The following SEMA3D variants were observed in gnomAD, a reference collection of about 807,000 sequenced individuals.
The protein encoded by SEMA3D is semaphorin-3D.
SEMA3D carries 84 observed loss-of-function variants against 100.1 expected under a neutral mutation model. The ratio of observed to expected loss-of-function variants is 0.84; its 90% CI spans 0.70 to 1.01. The LOEUF (loss-of-function observed/expected upper bound fraction) is 1.01. Among genes scored for constraint, SEMA3D ranks in the 50% least tolerant of loss-of-function variants. SEMA3D has a pLI of 0.00. For missense variants in SEMA3D, 875 were observed against 934.1 expected, an observed-to-expected ratio of 0.94 and a Z score of 0.82; for synonymous variants, 312 against 320.7, an observed-to-expected ratio of 0.97 and a Z score of 0.29.
chr7:85,091,428 T>TTGA (rs1206043882), intron 4 of SEMA3D, among the ~76,000 whole-genome samples: 2 of 151,468 alleles, frequency 1.3e-5, no homozygotes, highest in Admixed American at 6.6e-5. Flanking sequence ...ATTCATTAAC[T>TTGA]CAAAAGTCCA....
chr7:85,165,115 G>A (rs1790865527), intron 1 of SEMA3D, among the ~76,000 whole-genome samples: 1 of 151,428 alleles, frequency 6.6e-6, no homozygotes. Flanking sequence ...TTGTCCTTGC[G>A]ATAGACGAGT....
the SEMA3D span, among the ~76,000 whole-genome samples, chr7:85,217,101 A>G: frequency 1.3e-5 from 2 of 152,116 alleles, no homozygotes. Flanking sequence ...CATCATATAT[A>G]AAGACATAAT....
At chr7:85,144,913 C>T (rs1790159708) in intron 2 of SEMA3D, among the ~76,000 whole-genome samples, 1 of 152,094 alleles carries the variant, frequency 6.6e-6, no homozygotes, top group South Asian at 2.1e-4. Context: ...AGATAAGTTT[C>T]AGAGAGAAAT....
At chr7:85,127,400 C>T (rs903844299) in intron 2 of SEMA3D, among the ~76,000 whole-genome samples, 1 of 152,202 alleles carries the variant, frequency 6.6e-6, no homozygotes, top group African/African-American at 2.4e-5. Flanking sequence ...TGCCTTATAG[C>T]CATGTACTAA....
At chr7:85,033,464 T>C (rs1456283287) in intron 12 of SEMA3D, among the ~76,000 whole-genome samples, 1 of 152,104 alleles carries the variant, frequency 6.6e-6, no homozygotes, top group Admixed American at 6.6e-5. Context: ...CCACCACTTG[T>C]AAAGCATCTT....
Position 85,084,179 on chromosome 7 carries a change from A to G in SEMA3D, c.313-2600T>C, listed in dbSNP as rs886218185. Among the ~76,000 whole-genome samples, 3 of 152,142 alleles carry G rather than the reference A, an allele frequency of 2.0e-5. No homozygotes were observed. The East Asian group carries it at 5.8e-4, about 29-fold the overall frequency. Reference sequence around the variant, plus strand: ...AAAAAAAAAATTGCATCTTGAATTCAGAGTCTTTGCTTTAGATATGAGCTT... The same window carrying G: ...AAAAAAAAAATTGCATCTTGAATTCGGAGTCTTTGCTTTAGATATGAGCTT... On this transcript the variant is annotated intron_variant, in intron 4 of 18. Transcript: ENST00000284136.
At chr7:85,225,747 C>G in the SEMA3D span, among the ~76,000 whole-genome samples, 1 of 152,058 alleles carries the variant, frequency 6.6e-6, no homozygotes, top group African/African-American at 2.4e-5. Context: ...CAGAGCCCCA[C>G]AGGTCCCTGC....
upstream of SEMA3D, among the ~76,000 whole-genome samples, chr7:85,190,357 C>T (rs1405138516): frequency 6.6e-6 from 1 of 152,102 alleles, no homozygotes; most frequent in East Asian, 1.9e-4. Flanking sequence ...ATAAATATCA[C>T]CTTATAAACG....
At chr7:85,101,396 A>C (rs1212259430) in intron 3 of SEMA3D, among the ~76,000 whole-genome samples, 1 of 152,040 alleles carries the variant, frequency 6.6e-6, no homozygotes, top group Non-Finnish European at 1.5e-5. Context: ...ACAAAATGAA[A>C]TATTACTTCT....
chr7:85,042,308 G>T, intron 9 of SEMA3D, 23 bp from the exon 10 acceptor site: 1 of 1,494,402 alleles, frequency 6.7e-7, no homozygotes, highest in Non-Finnish European at 9.3e-7. Context: ...AAAAAATAAA[G>T]ATAAATATTT....
At chr7:85,193,974 A>G in the SEMA3D span, among the ~76,000 whole-genome samples, 1 of 152,090 alleles carries the variant, frequency 6.6e-6, no homozygotes, top group Non-Finnish European at 1.5e-5. Context: ...TACTTTAAAA[A>G]CCTGTGATCA....
At chr7:85,064,948 A>G (rs1791574659) in intron 8 of SEMA3D, among the ~76,000 whole-genome samples, 1 of 152,188 alleles carries the variant, frequency 6.6e-6, no homozygotes, top group African/African-American at 2.4e-5. Flanking sequence ...TTTAAGCAAC[A>G]GAAGTTACCA....
chr7:85,099,936 A>G (rs1265251891), intron 3 of SEMA3D, among the ~76,000 whole-genome samples: 1 of 151,998 alleles, frequency 6.6e-6, no homozygotes, highest in African/African-American at 2.4e-5. Flanking sequence ...ATAGTCTTTC[A>G]TCAGATATAT....
At chr7:85,172,765 C>A (rs1049658525) in intron 1 of SEMA3D, among the ~76,000 whole-genome samples, 14 of 151,998 alleles carry the variant, frequency 9.2e-5, no homozygotes, top group Non-Finnish European at 1.9e-4. Context: ...GCAAGTTGAG[C>A]ACTGGTGTGT....
At chr7:85,066,913 C>CAGAGAG (rs201123647) in intron 7 of SEMA3D, among the ~76,000 whole-genome samples, 21,407 of 127,638 alleles carry the variant, frequency 0.17, 2,135 homozygotes, top group East Asian at 0.32. Context: ...CACACACACA[C>CAGAGAG]AGAGAGAGAG....
intron 14 of SEMA3D, among the ~76,000 whole-genome samples, chr7:85,018,946 T>G (rs760880133): frequency 2.6e-5 from 4 of 151,782 alleles, no homozygotes; most frequent in Non-Finnish European, 4.4e-5. Flanking sequence ...CTACTATTTA[T>G]TCATTTAGCA....
At chr7:85,234,374 A>G in the SEMA3D span, among the ~76,000 whole-genome samples, 4 of 152,236 alleles carry the variant, frequency 2.6e-5, no homozygotes, top group Admixed American at 1.3e-4. Flanking sequence ...AAACTAAAGT[A>G]GTTTCCTATC....
chr7:85,030,216 CT>C (rs1382619572), intron 12 of SEMA3D, among the ~76,000 whole-genome samples: 13 of 147,048 alleles, frequency 8.8e-5, no homozygotes, highest in Middle Eastern at 3.5e-3. Context: ...TTTTTTGAAA[CT>C]ACCTAGATAA....
intron 11 of SEMA3D, among the ~76,000 whole-genome samples, chr7:85,039,299 T>C (rs1437545883): frequency 1.3e-5 from 2 of 152,150 alleles, no homozygotes; most frequent in Non-Finnish European, 2.9e-5. Flanking sequence ...AGAGTTTTGC[T>C]CTTGTTGCCG....
Sources: gnomAD v4.1 joint callset for allele counts (sites outside exome capture counted in the v4.1 genomes callset) on GRCh38, gnomAD v4.1.1 for gene constraint, MANE v1.5 for transcripts, NCBI Gene and HGNC (gene_info 2026-07-23, HGNC 2026-07-21) for gene names.